Variants in NELL1 observed in about 807,000 individuals in gnomAD.
The protein encoded by NELL1 is protein kinase C-binding protein NELL1.
Under a neutral mutation model 107.4 loss-of-function variants are expected in NELL1, and 76 were observed. That is an observed-to-expected ratio of 0.71 (90% confidence interval 0.59 to 0.86). The LOEUF (loss-of-function observed/expected upper bound fraction) is 0.86, where lower values mean the gene tolerates loss of function less well. NELL1 is among the 40% of genes least tolerant of loss of function. The pLI, the probability that NELL1 is intolerant of heterozygous loss-of-function variation, is 0.00. For synonymous variants in NELL1, 353 were observed against 341.2 expected, an observed-to-expected ratio of 1.03 and a Z score of -0.38; for missense variants, 1,024 against 1,005.5, an observed-to-expected ratio of 1.02 and a Z score of -0.25.
intron 15 of NELL1, among the ~76,000 whole-genome samples, chr11:21,403,260 CA>C (rs750135602): frequency 2.6e-5 from 4 of 151,548 alleles, no homozygotes; most frequent in Non-Finnish European, 4.4e-5. Flanking sequence ...TCATGGGGCA[CA>C]AAGCAATTAA....
chr11:20,983,814 T>A (rs990793512), intron 12 of NELL1, among the ~76,000 whole-genome samples: 13 of 152,294 alleles, frequency 8.5e-5, no homozygotes, highest in South Asian at 8.3e-4. Flanking sequence ...CATTTTGCCC[T>A]CGTGGCCTTG....
intron 11 of NELL1, among the ~76,000 whole-genome samples, chr11:20,954,432 C>A (rs901590273): frequency 6.6e-6 from 1 of 152,178 alleles, no homozygotes. Flanking sequence ...TTATCCTTCT[C>A]TGAAACACTA....
chr11:20,894,764 T>C (rs185346281), intron 5 of NELL1, among the ~76,000 whole-genome samples: 44 of 152,300 alleles, frequency 2.9e-4, no homozygotes, highest in African/African-American at 9.9e-4. Flanking sequence ...AAGAATACTC[T>C]AGGTACCTAA....
At chr11:21,324,545 C>T (rs543466796) in intron 14 of NELL1, among the ~76,000 whole-genome samples, 87 of 152,032 alleles carry the variant, frequency 5.7e-4, no homozygotes, top group Non-Finnish European at 1.1e-3. Flanking sequence ...GTGGCAACTT[C>T]CTTGAAACAG....
chr11:21,503,647 T>G (rs1049942546), intron 15 of NELL1, among the ~76,000 whole-genome samples: 1 of 152,182 alleles, frequency 6.6e-6, no homozygotes, highest in African/African-American at 2.4e-5. Flanking sequence ...CTCTAGGTAA[T>G]AGGTAATTAT....
intron 2 of NELL1, among the ~76,000 whole-genome samples, chr11:20,750,948 C>T (rs977515453): frequency 9.2e-5 from 14 of 152,116 alleles, no homozygotes; most frequent in Admixed American, 7.9e-4. Context: ...TAAAACACAG[C>T]TCCCCAGATG....
chr11:20,757,785 GC>G (rs755582056), intron 2 of NELL1, among the ~76,000 whole-genome samples: 3 of 152,136 alleles, frequency 2.0e-5, no homozygotes, highest in Non-Finnish European at 4.4e-5. Flanking sequence ...TGATTTGAGA[GC>G]CATGTTCTCC....
At chr11:21,198,028 G>A (rs1015616872) in intron 13 of NELL1, among the ~76,000 whole-genome samples, 5 of 152,118 alleles carry the variant, frequency 3.3e-5, no homozygotes, top group Admixed American at 6.6e-5. Flanking sequence ...TTTGATATCC[G>A]GACCTCAGTG....
Position 21,201,176 on chromosome 11 carries a change from T to C in NELL1, c.1427-28156T>C, listed in dbSNP as rs537165871. The stretch of plus-strand genomic sequence containing the variant: ...TTTCTAATTCTGTGAAGAAAGTCAA[T>C]GATAGCTTGATGGGGATAGCACTGA... On this transcript the variant is annotated intron_variant, in intron 13 of 19. Coordinates refer to ENST00000357134, the MANE Select transcript of NELL1 (RefSeq NM_006157.5). Among the ~76,000 whole-genome samples, 4 of 152,310 alleles carry C rather than the reference T, an allele frequency of 2.6e-5. No homozygotes were observed. In the South Asian group the frequency reaches 6.2e-4, roughly 24 times the overall value.
chr11:20,724,913 G>A (rs1855474939), intron 2 of NELL1, among the ~76,000 whole-genome samples: 1 of 152,196 alleles, frequency 6.6e-6, no homozygotes, highest in Admixed American at 6.5e-5. Flanking sequence ...CTGAATGACT[G>A]GGGAAGTTTC....
chr11:20,779,212 G>A (rs911073744), intron 2 of NELL1, among the ~76,000 whole-genome samples: 1 of 152,178 alleles, frequency 6.6e-6, no homozygotes, highest in Admixed American at 6.5e-5. Context: ...GAAATGAAAT[G>A]GATGTCAATG....
intron 5 of NELL1, among the ~76,000 whole-genome samples, chr11:20,895,078 C>G (rs1184392956): frequency 7.0e-6 from 1 of 143,432 alleles, no homozygotes; most frequent in Non-Finnish European, 1.5e-5. Context: ...GAGACCATCC[C>G]GGCTAAAACG....
At chr11:21,498,348 C>CATATAT (rs36022880) in intron 15 of NELL1, among the ~76,000 whole-genome samples, 2 of 143,070 alleles carry the variant, frequency 1.4e-5, no homozygotes, top group Admixed American at 1.4e-4. Flanking sequence ...TATATATATA[C>CATATAT]ATATATATAT....
At chr11:21,151,130 A>G (rs1360345027) in intron 13 of NELL1, among the ~76,000 whole-genome samples, 1 of 152,174 alleles carries the variant, frequency 6.6e-6, no homozygotes, top group Non-Finnish European at 1.5e-5. Flanking sequence ...TTGGGTAGGG[A>G]CACAGTGCCA....
At chr11:21,160,228 G>A (rs1012351749) in intron 13 of NELL1, among the ~76,000 whole-genome samples, 3 of 152,284 alleles carry the variant, frequency 2.0e-5, no homozygotes, top group Middle Eastern at 3.4e-3. Context: ...AAACTGCAGC[G>A]TTGTGCCATG....
intron 15 of NELL1, among the ~76,000 whole-genome samples, chr11:21,405,337 C>T (rs1852209719): frequency 1.3e-5 from 2 of 151,922 alleles, no homozygotes; most frequent in Non-Finnish European, 2.9e-5. Context: ...AGTATTTTGG[C>T]TTTGGTTCAT....
chr11:21,319,723 G>A (rs1347770767), intron 14 of NELL1, among the ~76,000 whole-genome samples: 1 of 151,774 alleles, frequency 6.6e-6, no homozygotes, highest in Non-Finnish European at 1.5e-5. Flanking sequence ...GCCGAGGCAG[G>A]TGGATCATGA....
intron 13 of NELL1, among the ~76,000 whole-genome samples, chr11:21,173,906 C>A (rs1856659198): frequency 6.6e-6 from 1 of 151,548 alleles, no homozygotes; most frequent in Non-Finnish European, 1.5e-5. Context: ...TAATCTCTGT[C>A]CTAAATGATA....
chr11:21,167,339 A>G (rs79448535), intron 13 of NELL1, among the ~76,000 whole-genome samples: 1,852 of 151,848 alleles, frequency 0.012, 95 homozygotes, highest in African/African-American at 0.043. Flanking sequence ...TTCTTGGCCT[A>G]TATAGACCTG....
Sources: gnomAD v4.1 joint callset for allele counts (sites outside exome capture counted in the v4.1 genomes callset) on GRCh38, gnomAD v4.1.1 for gene constraint, MANE v1.5 for transcripts, NCBI Gene and HGNC (gene_info 2026-07-23, HGNC 2026-07-21) for gene names.